Variants in LAMB1 observed in about 807,000 individuals in gnomAD.
The protein encoded by LAMB1 is laminin subunit beta 1, also known as laminin subunit beta-1.
In LAMB1, 121 loss-of-function variants were observed where a neutral mutation model predicts 222.3. The ratio of observed to expected loss-of-function variants is 0.54; its 90% CI spans 0.47 to 0.63. LAMB1 has a LOEUF of 0.63. Among genes scored for constraint, LAMB1 ranks in the 30% least tolerant of loss-of-function variants. The pLI is 0.00. For missense variants in LAMB1, 2,172 were observed against 2,240.8 expected, an observed-to-expected ratio of 0.97 and a Z score of 0.62; for synonymous variants, 794 against 807.2, an observed-to-expected ratio of 0.98 and a Z score of 0.28.
At chr7:107,979,118 T>A (rs75305582) in intron 8 of LAMB1, among the ~76,000 whole-genome samples, 15,628 of 152,242 alleles carry the variant, frequency 0.1, 840 homozygotes, top group Admixed American at 0.16. Context: ...GCACATGCTG[T>A]GAGACCCGTG....
At chr7:107,995,510 CT>C (rs931524794) in intron 4 of LAMB1, among the ~76,000 whole-genome samples, 2 of 152,210 alleles carry the variant, frequency 1.3e-5, no homozygotes, top group Non-Finnish European at 2.9e-5. Flanking sequence ...ATGGGGAAAC[CT>C]TTGGATGCAT....
intron 3 of LAMB1, 127 bp downstream of exon 3, chr7:108,001,431 G>C (rs2034380565): frequency 9.5e-7 from 1 of 1,047,708 alleles, no homozygotes; most frequent in Non-Finnish European, 1.4e-6. Context: ...CCTAATCCCG[G>C]GACTCCCCGG....
Position 107,940,098 on chromosome 7 carries a change from C to G in LAMB1, c.3652G>C (p.Glu1218Gln). 6.2e-7 allele frequency: 1 copy of G among 1,614,144 alleles called. No individual in the cohort carries two copies. Among genetic ancestry groups the G allele is most frequent in the South Asian group, 1.1e-5 (1 of 91,064 alleles). Reference sequence around the variant, plus strand: ...TTCCTCTCCACCGAGTCCACAGTCTCACGGTAAGGCCCGATCACACCACTG... The same window carrying G: ...TTCCTCTCCACCGAGTCCACAGTCTGACGGTAAGGCCCGATCACACCACTG... ...KISGVIGPYR[E>Q]TVDSVERKVS... The change falls in exon 25 of 34, where the codon GAG (glutamate) becomes CAG (glutamine). Residue 1218 changes from glutamate to glutamine, a missense_variant. Transcript: ENST00000222399.
chr7:107,948,379 C>T (rs2033174020), intron 24 of LAMB1, among the ~76,000 whole-genome samples: 1 of 151,956 alleles, frequency 6.6e-6, no homozygotes. Flanking sequence ...GCTTTCTGGT[C>T]TTCCATGAAA....
At chr7:107,926,422 A>G (rs2116309837) in intron 31 of LAMB1, 63 bp from the exon 32 acceptor site, 2 of 1,378,996 alleles carry the variant, frequency 1.5e-6, no homozygotes, top group Non-Finnish European at 2.0e-6. Context: ...TATGAGTACA[A>G]GTTTGGAGGA....
chr7:107,974,968 T>C lies in LAMB1; in HGVS notation c.1482+18A>G, dbSNP rs2033821783. 7.1e-7 allele frequency: 1 copy of C among 1,400,238 alleles called. No homozygotes were observed. Among genetic ancestry groups the C allele is most frequent in the Admixed American group, 1.7e-5 (1 of 59,706 alleles). 86.7% of individuals were successfully genotyped at this position (1,400,238 alleles called of 1,614,324 possible). The stretch of plus-strand genomic sequence containing the variant: ...ATCCTCACCAACCACCCATCCCACG[T>C]AATGAGGATTTACTTACCAGGCACT... On this transcript the variant is annotated intron_variant, in intron 12 of 33. Transcript: ENST00000222399.
At chr7:107,962,259 C>T (rs2033521476) in intron 15 of LAMB1, among the ~76,000 whole-genome samples, 1 of 152,196 alleles carries the variant, frequency 6.6e-6, no homozygotes, top group African/African-American at 2.4e-5. Flanking sequence ...TACACCGTCA[C>T]CTTCAGTCTT....
chr7:107,975,458 A>T, intron 10 of LAMB1, 45 bp from the exon 11 acceptor site: 6 of 1,532,784 alleles, frequency 3.9e-6, no homozygotes, highest in Non-Finnish European at 5.3e-6. Flanking sequence ...GAGGAAACTC[A>T]ATGTATCTTT....
At position 107,997,347 on chromosome 7, in the gene LAMB1, C is replaced by T. The variant is rs141805984; in HGVS notation, c.349+1010G>A. Among the ~76,000 whole-genome samples, 1,352 of 152,228 alleles carry T rather than the reference C, an allele frequency of 8.9e-3. 10 individuals carry two copies. The highest frequency in any genetic ancestry group is 0.037 in the Middle Eastern group (11 of 294). On this transcript the variant is annotated intron_variant, in intron 4 of 33. Transcript: ENST00000222399. ...CTGAGGCAGGAGAATCACTTGAACC[C>T]AGGACGTGGAGGTTGCAGTAAGCTG...
chr7:107,976,132 G>A (rs957319441), intron 9 of LAMB1, among the ~76,000 whole-genome samples: 4 of 152,168 alleles, frequency 2.6e-5, no homozygotes, highest in Non-Finnish European at 4.4e-5. Flanking sequence ...AATGGGCTAT[G>A]AAAAATGGAA....
At chr7:107,996,993 C>A (rs1236623000) in intron 4 of LAMB1, among the ~76,000 whole-genome samples, 1 of 152,140 alleles carries the variant, frequency 6.6e-6, no homozygotes, top group African/African-American at 2.4e-5. Flanking sequence ...AAATATGCCC[C>A]CGTAAGAATG....
Position 107,975,368 on chromosome 7 carries a change from T to C in LAMB1, c.1235A>G (p.Asp412Gly). ...PAGSQNEGIC[D>G]SYTDFSTGLI... ...ACCAGTAGAAAAATCAGTATAGCTGTCACAAATTCCCTCATTTTGAGAGCC... is the reference window on the plus strand; with the variant it reads ...ACCAGTAGAAAAATCAGTATAGCTGCCACAAATTCCCTCATTTTGAGAGCC... Residue 412 changes from aspartate to glycine, a missense_variant, in exon 11 of 34, where the codon GAC becomes GGC. By Grantham distance (94) the Asp-to-Gly change is moderately conservative (BLOSUM62 -1). Coordinates refer to ENST00000222399, the MANE Select transcript of LAMB1 (RefSeq NM_002291.3). 1 of 1,613,324 alleles carries C rather than the reference T, an allele frequency of 6.2e-7. No homozygotes were observed. The highest frequency in any genetic ancestry group is 8.5e-7 in the Non-Finnish European group (1 of 1,179,754).
chr7:107,951,188 T>A (rs1170242094), intron 24 of LAMB1, 38 bp downstream of exon 24: 1 of 1,508,170 alleles, frequency 6.6e-7, no homozygotes, highest in Non-Finnish European at 9.2e-7. Flanking sequence ...TTCCCTCCAC[T>A]CTCTGATCAA....
intron 13 of LAMB1, among the ~76,000 whole-genome samples, chr7:107,969,953 G>T (rs569456824): frequency 2.2e-4 from 34 of 152,286 alleles, no homozygotes; most frequent in African/African-American, 7.9e-4. Flanking sequence ...TCAATACAAT[G>T]ATAAAAATAT....
intron 24 of LAMB1, among the ~76,000 whole-genome samples, chr7:107,941,380 G>T (rs2032977920): frequency 6.6e-6 from 1 of 152,190 alleles, no homozygotes; most frequent in Non-Finnish European, 1.5e-5. Context: ...CCCATTCTGA[G>T]GAAAGACAGG....
At chr7:107,950,197 T>C (rs2033211038) in intron 24 of LAMB1, among the ~76,000 whole-genome samples, 2 of 151,598 alleles carry the variant, frequency 1.3e-5, no homozygotes, top group Admixed American at 1.3e-4. Flanking sequence ...GCCACTGCAT[T>C]CCGGCCTAGG....
rs1293762789 is a variant in LAMB1, at chr7:107,952,235, C to CATCA, written c.3080-16_3080-13dup. The CATCA allele has an allele frequency of 6.3e-7, 1 of 1,580,606 alleles. No homozygotes were observed. Among genetic ancestry groups the CATCA allele is most frequent in the African/African-American group, 1.3e-5 (1 of 74,538 alleles). ...ATTACAGACACACTCTGCAAAAGAA[C>CATCA]ATCACATTTACTTATTGTCACACTC... On this transcript the variant is annotated splice_polypyrimidine_tract_variant and intron_variant, in intron 22 of 33. Transcript: ENST00000222399.
At chr7:107,928,089 A>G (rs1311342261) in intron 31 of LAMB1, among the ~76,000 whole-genome samples, 1 of 152,246 alleles carries the variant, frequency 6.6e-6, no homozygotes, top group African/African-American at 2.4e-5. Flanking sequence ...CTGAGAAACA[A>G]AAGAATTTAA....
At chr7:107,964,728 A>G (rs753468709) in intron 13 of LAMB1, 41 bp from the exon 14 acceptor site, 7 of 1,607,608 alleles carry the variant, frequency 4.4e-6, no homozygotes, top group Non-Finnish European at 5.9e-6. Context: ...GTTCATGGTC[A>G]CGCGAGTCAA....
Sources: allele counts gnomAD v4.1 joint callset (sites outside exome capture counted in the v4.1 genomes callset), GRCh38; gene constraint gnomAD v4.1.1; transcripts MANE v1.5; gene names NCBI Gene and HGNC (gene_info 2026-07-23, HGNC 2026-07-21).